Variants in PCDH9 observed in about 807,000 individuals in gnomAD.
The protein encoded by PCDH9 is protocadherin-9.
PCDH9 carries 24 observed loss-of-function variants against 70.6 expected under a neutral mutation model. The ratio of observed to expected loss-of-function variants is 0.34; its 90% CI spans 0.25 to 0.48. The LOEUF (loss-of-function observed/expected upper bound fraction) is 0.48. PCDH9 is among the 20% of genes least tolerant of loss of function. The pLI is 0.99. For synonymous variants in PCDH9, 562 were observed against 558.5 expected, an observed-to-expected ratio of 1.01 and a Z score of -0.09; for missense variants, 1,281 against 1,503.6, an observed-to-expected ratio of 0.85 and a Z score of 2.45.
chr13:66,363,609 T>A (rs1193526487), intron 4 of PCDH9, among the ~76,000 whole-genome samples: 1 of 152,218 alleles, frequency 6.6e-6, no homozygotes, highest in African/African-American at 2.4e-5. Context: ...TTTTTGCTTA[T>A]TTTGTAGACA....
intron 2 of PCDH9, among the ~76,000 whole-genome samples, chr13:67,044,387 A>C (rs2085182708): frequency 1.3e-5 from 2 of 152,328 alleles, no homozygotes; most frequent in African/African-American, 4.8e-5. Context: ...TATGGTTATC[A>C]AAATGATACC....
Position 66,525,664 on chromosome 13 carries a change from T to C in PCDH9, c.3340+105546A>G, listed in dbSNP as rs941534534. On this transcript the variant is annotated intron_variant, in intron 4 of 4. Transcript: ENST00000377865. ...TTAAAACATTTGTCTACATTGAATG[T>C]CTCCAACTTTGTATGTCTCATTAAA... Among the ~76,000 whole-genome samples the C allele has an allele frequency of 2.6e-5, 4 of 152,154 alleles. No homozygotes were observed. In the East Asian group the frequency reaches 7.7e-4, roughly 29 times the overall value.
intron 3 of PCDH9, among the ~76,000 whole-genome samples, chr13:66,634,724 T>C (rs2077615362): frequency 6.6e-6 from 1 of 152,164 alleles, no homozygotes. Flanking sequence ...AATTTAAAAC[T>C]ACATTTTTAA....
At chr13:67,151,671 T>C (rs1263831690) in intron 2 of PCDH9, among the ~76,000 whole-genome samples, 1 of 151,660 alleles carries the variant, frequency 6.6e-6, no homozygotes, top group Non-Finnish European at 1.5e-5. Context: ...GGCAAAGCTT[T>C]TGCTCTATAC....
rs377280432 is a variant in PCDH9 at position 66,659,374 on chromosome 13, G to A, written c.3139-27963C>T. On this transcript the variant is annotated intron_variant, in intron 3 of 4. Transcript: ENST00000377865. The stretch of plus-strand genomic sequence containing the variant: ...TCCAAAAAGAGGTAAAACACCATTA[G>A]GTTTCATCAGACTTGATAATAAGTT... Among the ~76,000 whole-genome samples the A allele has an allele frequency of 5.9e-4, 90 of 152,226 alleles. 4 individuals are homozygous for A. The South Asian group carries it at 0.018, about 30-fold the overall frequency.
chr13:66,767,667 A>T (rs1330181599), intron 3 of PCDH9, among the ~76,000 whole-genome samples: 6 of 151,998 alleles, frequency 3.9e-5, no homozygotes, highest in Non-Finnish European at 8.8e-5. Flanking sequence ...AACAATACAC[A>T]CTAGAGTGTG....
intron 3 of PCDH9, among the ~76,000 whole-genome samples, chr13:66,787,770 C>T (rs910477057): frequency 2.6e-5 from 4 of 152,140 alleles, no homozygotes; most frequent in African/African-American, 9.7e-5. Flanking sequence ...TCCCCTTCAT[C>T]CAATCAGTTG....
chr13:66,826,794 G>A (rs571571949), intron 3 of PCDH9, among the ~76,000 whole-genome samples: 2 of 152,292 alleles, frequency 1.3e-5, no homozygotes, highest in South Asian at 2.1e-4. Context: ...CTTAAAGGAT[G>A]AGACTAATCA....
intron 2 of PCDH9, among the ~76,000 whole-genome samples, chr13:67,051,695 G>T (rs758459580): frequency 6.6e-6 from 1 of 151,996 alleles, no homozygotes; most frequent in Non-Finnish European, 1.5e-5. Flanking sequence ...TTAGCAAACA[G>T]TGAAGGTAAG....
intron 3 of PCDH9, among the ~76,000 whole-genome samples, chr13:66,685,704 G>A (rs763167037): frequency 6.6e-6 from 1 of 152,216 alleles, no homozygotes; most frequent in Non-Finnish European, 1.5e-5. Flanking sequence ...AATCATGTGG[G>A]TGGAGCTGCC....
chr13:67,149,576 T>C (rs2087607580), intron 2 of PCDH9, among the ~76,000 whole-genome samples: 2 of 152,020 alleles, frequency 1.3e-5, no homozygotes, highest in African/African-American at 4.8e-5. Flanking sequence ...AAAGGGAAAA[T>C]AAAACTGTAA....
intron 4 of PCDH9, among the ~76,000 whole-genome samples, chr13:66,592,872 G>A (rs924443544): frequency 4.6e-5 from 7 of 151,624 alleles, no homozygotes; most frequent in Admixed American, 2.0e-4. Context: ...AAATGTTTAG[G>A]ATAGATATAA....
At chr13:67,180,894 A>G (rs753325497) in intron 2 of PCDH9, among the ~76,000 whole-genome samples, 6 of 152,192 alleles carry the variant, frequency 3.9e-5, no homozygotes, top group African/African-American at 7.2e-5. Context: ...ATAGCAATCC[A>G]AATGTATTTA....
intron 3 of PCDH9, among the ~76,000 whole-genome samples, chr13:66,648,514 C>A (rs1400883685): frequency 6.6e-6 from 1 of 152,052 alleles, no homozygotes; most frequent in African/African-American, 2.4e-5. Flanking sequence ...TTGGGGTGCC[C>A]CCTAATGCAG....
At chr13:66,854,731 G>C (rs895590745) in intron 3 of PCDH9, among the ~76,000 whole-genome samples, 1 of 152,040 alleles carries the variant, frequency 6.6e-6, no homozygotes, top group Non-Finnish European at 1.5e-5. Flanking sequence ...AAAACTCTGT[G>C]ATATGCTTTA....
intron 2 of PCDH9, among the ~76,000 whole-genome samples, chr13:66,939,513 A>T (rs1053434652): frequency 6.7e-6 from 1 of 150,334 alleles, no homozygotes; most frequent in African/African-American, 2.4e-5. Context: ...GCTCACTGCA[A>T]TCTCCGTCCG....
At chr13:66,491,429 G>C (rs1459056882) in intron 4 of PCDH9, among the ~76,000 whole-genome samples, 1 of 150,358 alleles carries the variant, frequency 6.7e-6, no homozygotes, top group Non-Finnish European at 1.5e-5. Flanking sequence ...ATGAGAGAGA[G>C]AGACTGTGCT....
chr13:66,916,509 A>C (rs1156702371), intron 2 of PCDH9, among the ~76,000 whole-genome samples: 1 of 151,398 alleles, frequency 6.6e-6, no homozygotes, highest in African/African-American at 2.4e-5. Flanking sequence ...CAAAAGGGCC[A>C]ATTGGATATT....
chr13:67,115,927 C>T (rs1250300151), intron 2 of PCDH9, among the ~76,000 whole-genome samples: 1 of 152,126 alleles, frequency 6.6e-6, no homozygotes, highest in Non-Finnish European at 1.5e-5. Context: ...AATGGTAGCA[C>T]AGCTTAGTTT....
Sources: gnomAD v4.1 joint callset for allele counts (sites outside exome capture counted in the v4.1 genomes callset) on GRCh38, gnomAD v4.1.1 for gene constraint, MANE v1.5 for transcripts, NCBI Gene and HGNC (gene_info 2026-07-23, HGNC 2026-07-21) for gene names.